Variants in PGM2 observed in about 807,000 individuals in gnomAD.
PGM2 encodes phosphopentomutase.
In PGM2, 57 loss-of-function variants were observed where a neutral mutation model predicts 74.6. The ratio of observed to expected loss-of-function variants is 0.76; its 90% CI spans 0.62 to 0.95. The LOEUF is 0.95. Among genes scored for constraint, PGM2 ranks in the 40% least tolerant of loss-of-function variants. The pLI is 0.00. For synonymous variants in PGM2, 273 were observed against 260.7 expected, an observed-to-expected ratio of 1.05 and a Z score of -0.46; for missense variants, 706 against 741.9, an observed-to-expected ratio of 0.95 and a Z score of 0.56.
intron 12 of PGM2, 32 bp downstream of exon 12, chr4:37,850,405 C>G (rs1336765816): frequency 3.3e-6 from 4 of 1,203,672 alleles, no homozygotes; most frequent in Non-Finnish European, 3.4e-6. Flanking sequence ...CAACTAACCT[C>G]TTTTCTATTT....
intron 13 of PGM2, among the ~76,000 whole-genome samples, chr4:37,858,301 A>G (rs184881382): frequency 7.4e-4 from 113 of 152,134 alleles, no homozygotes; most frequent in Middle Eastern, 3.4e-3. Context: ...AGGCACCAGC[A>G]TACCTAACGT....
intron 1 of PGM2, among the ~76,000 whole-genome samples, chr4:37,828,719 A>G (rs1725360895): frequency 6.6e-6 from 1 of 152,206 alleles, no homozygotes; most frequent in African/African-American, 2.4e-5. Context: ...TACACTATGA[A>G]CAAGGGAGGA....
chr4:37,835,286 G>A (rs551943147), intron 3 of PGM2, among the ~76,000 whole-genome samples: 2 of 152,268 alleles, frequency 1.3e-5, no homozygotes, highest in South Asian at 2.1e-4. Flanking sequence ...AGGAGGAGTC[G>A]CAATTTAAGC....
intron 6 of PGM2, among the ~76,000 whole-genome samples, chr4:37,843,049 A>G (rs1403226981): frequency 2.6e-5 from 4 of 152,204 alleles, no homozygotes; most frequent in African/African-American, 7.2e-5. Context: ...AACTACAAGG[A>G]AGAGTGGTTA....
Position 37,850,180 on chromosome 4 carries a change from A to G in PGM2, c.1413-4A>G, listed in dbSNP as rs1207317933. 2 of 1,500,872 alleles carry G rather than the reference A, an allele frequency of 1.3e-6. No homozygotes were observed. The highest frequency in any genetic ancestry group is 2.2e-5 in the Admixed American group (1 of 45,192). The allele number at this position is 1,500,872 out of a possible 1,614,324, so 93.0% of individuals were successfully genotyped here. On this transcript the variant is annotated splice_polypyrimidine_tract_variant and splice_region_variant and intron_variant, in intron 11 of 13. Coordinates refer to ENST00000381967, the MANE Select transcript of PGM2 (RefSeq NM_018290.4). ...ATGTGCATGAATTTGTATTTGTTTGATAGGTATGGCTACCATATTACTAAA... is the reference window on the plus strand; with the variant it reads ...ATGTGCATGAATTTGTATTTGTTTGGTAGGTATGGCTACCATATTACTAAA...
intron 1 of PGM2, among the ~76,000 whole-genome samples, chr4:37,829,320 C>T (rs1725376377): frequency 6.6e-6 from 1 of 152,194 alleles, no homozygotes; most frequent in African/African-American, 2.4e-5. Context: ...ATCTCTGAGG[C>T]TTCCCCATCT....
At chr4:37,855,875 A>C (rs1726179715) in intron 13 of PGM2, 134 bp downstream of exon 13, 1 of 702,194 alleles carries the variant, frequency 1.4e-6, no homozygotes, top group African/African-American at 1.9e-5. Context: ...AACCTGCACT[A>C]ATATTTTGGT....
intron 1 of PGM2, among the ~76,000 whole-genome samples, chr4:37,828,189 C>G (rs1725346136): frequency 6.6e-6 from 1 of 152,054 alleles, no homozygotes; most frequent in Admixed American, 6.6e-5. Flanking sequence ...AAAATGTTTC[C>G]ATTTCTGATA....
intron 12 of PGM2, 65 bp from the exon 13 acceptor site, chr4:37,855,543 A>C: frequency 2.9e-6 from 4 of 1,391,736 alleles, no homozygotes; most frequent in Non-Finnish European, 3.9e-6. Flanking sequence ...TACTTATGCA[A>C]GAGAAGATAT....
intron 3 of PGM2, among the ~76,000 whole-genome samples, chr4:37,836,334 T>C (rs576729548): frequency 1.3e-5 from 2 of 152,222 alleles, no homozygotes; most frequent in African/African-American, 4.8e-5. Flanking sequence ...GAGATCATAA[T>C]GTAAGTGTTT....
intron 1 of PGM2, among the ~76,000 whole-genome samples, chr4:37,827,395 C>G (rs1725321752): frequency 6.6e-6 from 1 of 152,188 alleles, no homozygotes; most frequent in African/African-American, 2.4e-5. Flanking sequence ...ACGGTTTTCT[C>G]TCTCTTCATT....
intron 13 of PGM2, among the ~76,000 whole-genome samples, chr4:37,859,551 C>T (rs868553950): frequency 1.3e-5 from 2 of 152,228 alleles, no homozygotes; most frequent in South Asian, 2.1e-4. Flanking sequence ...CTAGCCCATC[C>T]ACATTGTCTA....
chr4:37,853,870 T>C (rs984259184), intron 12 of PGM2, among the ~76,000 whole-genome samples: 2 of 152,200 alleles, frequency 1.3e-5, no homozygotes, highest in African/African-American at 2.4e-5. Flanking sequence ...AACCATCTCC[T>C]GCAGAAATGG....
rs1725401385 is a variant in PGM2 at position 37,830,128 on chromosome 4, A to G, written c.246A>G (p.Thr82=). The change falls in exon 2 of 14, where the codon ACA becomes ACG. Residue 82 remains threonine, a synonymous_variant. Coordinates refer to ENST00000381967, the MANE Select transcript of PGM2 (RefSeq NM_018290.4). Reference sequence around the variant, plus strand: ...ATGACTTGACCATCATCCAGACTACACAGGTACCATGTTTTTTATAATTCT... The same window carrying G: ...ATGACTTGACCATCATCCAGACTACGCAGGTACCATGTTTTTTATAATTCT... ...RMNDLTIIQT[T]QGFCRYLEKQ... 1.3e-6 allele frequency: 2 copies of G among 1,553,892 alleles called. No homozygotes were observed. Among genetic ancestry groups the G allele is most frequent in the Non-Finnish European group, 8.7e-7 (1 of 1,152,798 alleles).
At chr4:37,841,297 T>G (rs1725723508) in intron 6 of PGM2, among the ~76,000 whole-genome samples, 1 of 151,844 alleles carries the variant, frequency 6.6e-6, no homozygotes, top group Admixed American at 6.6e-5. Context: ...CCGGTGTATT[T>G]AACTCAGTGA....
In PGM2 at chr4:37,840,983, T is replaced by C. The variant is rs1425146591; in HGVS notation, c.719+724T>C. Among the ~76,000 whole-genome samples the C allele has an allele frequency of 6.1e-5, 9 of 147,666 alleles. 1 individual carries two copies. The East Asian group carries it at 1.2e-3, about 20-fold the overall frequency. ...GTGTGTGTATATATATATATATATA[T>C]GTATGTTTTTAAAACTTGCTCAAAA... On this transcript the variant is annotated intron_variant, in intron 6 of 13. Coordinates refer to ENST00000381967, the MANE Select transcript of PGM2 (RefSeq NM_018290.4).
chr4:37,843,846 C>G (rs970230436), intron 6 of PGM2, among the ~76,000 whole-genome samples: 1 of 152,056 alleles, frequency 6.6e-6, no homozygotes, highest in Admixed American at 6.6e-5. Flanking sequence ...TGACCTCACA[C>G]GATCCACCTG....
rs183538969 is a variant in PGM2 at position 37,842,407 on chromosome 4, C to T, written c.720-1957C>T. ...TATTTCCCTTGTTCTTTCTCTAGAA[C>T]TATCATGTTTGTGTTTTATAATATT... is the stretch of plus-strand genomic sequence containing the variant. On this transcript the variant is annotated intron_variant, in intron 6 of 13. Coordinates refer to ENST00000381967, the MANE Select transcript of PGM2 (RefSeq NM_018290.4). 4.8e-4 allele frequency among the ~76,000 whole-genome samples: 73 copies of T among 151,730 alleles called. 1 individual carries two copies. The highest frequency in any genetic ancestry group is 1.5e-3 in the African/African-American group (62 of 41,464).
intron 2 of PGM2, 114 bp downstream of exon 2, chr4:37,830,245 A>T (rs10010767): frequency 0.046 from 32,251 of 708,614 alleles, 1,764 homozygotes; most frequent in African/African-American, 0.18. Context: ...GGCTAGACAC[A>T]GGAAGTCACC....
Sources: allele counts gnomAD v4.1 joint callset (sites outside exome capture counted in the v4.1 genomes callset), GRCh38; gene constraint gnomAD v4.1.1; transcripts MANE v1.5; gene names NCBI Gene and HGNC (gene_info 2026-07-23, HGNC 2026-07-21).